The following EPHB1 variants were observed in gnomAD, a reference collection of about 807,000 sequenced individuals.
EPHB1 encodes the protein EPH receptor B1.
EPHB1 carries 30 observed loss-of-function variants against 94.4 expected under a neutral mutation model. The ratio of observed to expected loss-of-function variants is 0.32; its 90% CI spans 0.24 to 0.43. EPHB1 has a LOEUF of 0.43. EPHB1 is among the 20% of genes least tolerant of loss of function. The pLI is 1.00. For synonymous variants in EPHB1, 522 were observed against 489.1 expected, an observed-to-expected ratio of 1.07 and a Z score of -0.89; for missense variants, 1,055 against 1,308.3, an observed-to-expected ratio of 0.81 and a Z score of 2.99.
intron 3 of EPHB1, among the ~76,000 whole-genome samples, chr3:134,998,783 G>T (rs553219586): frequency 2.6e-5 from 4 of 152,284 alleles, no homozygotes; most frequent in African/African-American, 7.2e-5. Flanking sequence ...CATCAACAGT[G>T]CCTAACACAG....
chr3:135,251,397 G>T (rs13095925), intron 15 of EPHB1, among the ~76,000 whole-genome samples: 2 of 152,060 alleles, frequency 1.3e-5, no homozygotes, highest in Non-Finnish European at 2.9e-5. Flanking sequence ...ATTTGACTGC[G>T]TATGGGGGCC....
chr3:134,971,233 A>G (rs7621336), intron 3 of EPHB1, among the ~76,000 whole-genome samples: 10,326 of 152,318 alleles, frequency 0.068, 662 homozygotes, highest in African/African-American at 0.17. Flanking sequence ...AGAAGAAAAT[A>G]AAGCAGATTA....
chr3:134,795,737 T>A, intron 1 of EPHB1, 48 bp downstream of exon 1: 1 of 1,597,128 alleles, frequency 6.3e-7, no homozygotes, highest in South Asian at 1.1e-5. Context: ...CCGGCCGCCT[T>A]GGGACTGCTG....
chr3:135,232,347 G>T (rs1442395494), intron 12 of EPHB1, among the ~76,000 whole-genome samples: 1 of 152,226 alleles, frequency 6.6e-6, no homozygotes, highest in Admixed American at 6.5e-5. Flanking sequence ...AGGAGCAGGG[G>T]TGTGCCACAT....
intron 1 of EPHB1, among the ~76,000 whole-genome samples, chr3:134,898,427 T>C (rs2107688622): frequency 6.6e-6 from 1 of 152,256 alleles, no homozygotes; most frequent in South Asian, 2.1e-4. Context: ...GAGCCTGACC[T>C]CCTTTTTCTG....
chr3:134,839,294 G>A (rs570379091), intron 1 of EPHB1, among the ~76,000 whole-genome samples: 10 of 152,268 alleles, frequency 6.6e-5, no homozygotes, highest in South Asian at 4.1e-4. Context: ...GCCCCTTACC[G>A]TGCTTGTTAC....
At chr3:134,891,198 C>T (rs1239024754) in intron 1 of EPHB1, among the ~76,000 whole-genome samples, 1 of 152,178 alleles carries the variant, frequency 6.6e-6, no homozygotes, top group African/African-American at 2.4e-5. Flanking sequence ...TTGCACCTGC[C>T]TCCTAGGCTC....
chr3:135,179,997 T>G lies in EPHB1; in HGVS notation c.1882+15T>G. 1 of 1,613,440 alleles carries G rather than the reference T, an allele frequency of 6.2e-7. No homozygotes were observed. The highest frequency in any genetic ancestry group is 8.5e-7 in the Non-Finnish European group (1 of 1,179,508). ...CATCGGAGCAGGTATGGCTCTTCCC[T>G]GTCTTGTTTCTGTTCTCCTGGTGTC... is the stretch of plus-strand genomic sequence containing the variant. On this transcript the variant is annotated intron_variant, in intron 10 of 15. Coordinates refer to ENST00000398015, the MANE Select transcript of EPHB1 (RefSeq NM_004441.5).
chr3:134,837,940 A>G (rs1361484371), intron 1 of EPHB1, among the ~76,000 whole-genome samples: 2 of 152,208 alleles, frequency 1.3e-5, no homozygotes, highest in Admixed American at 1.3e-4. Flanking sequence ...TTACGTAGCC[A>G]TAGAGAAAGA....
At chr3:134,922,661 C>T (rs1055852793) in intron 1 of EPHB1, among the ~76,000 whole-genome samples, 3 of 152,212 alleles carry the variant, frequency 2.0e-5, no homozygotes, top group Non-Finnish European at 4.4e-5. Context: ...CCCTGCTCCT[C>T]CAACATGATC....
At position 135,149,829 on chromosome 3, in the gene EPHB1, A is replaced by T. The variant is rs1034970575; in HGVS notation, c.1298-4323A>T. Among the ~76,000 whole-genome samples the T allele has an allele frequency of 2.0e-5, 3 of 152,222 alleles. No homozygotes were observed. The East Asian group carries it at 5.8e-4, about 29-fold the overall frequency. ...CTGAGAAATACAGGCAGGGATGGCC[A>T]TCACCCTCTGGCAGCTCTTCCCAGA... On this transcript the variant is annotated intron_variant, in intron 5 of 15. Transcript: ENST00000398015.
intron 12 of EPHB1, among the ~76,000 whole-genome samples, chr3:135,234,525 C>G (rs914210547): frequency 6.6e-6 from 1 of 152,174 alleles, no homozygotes; most frequent in South Asian, 2.1e-4. Context: ...TTCAGGTATC[C>G]TTATAGCAGC....
intron 9 of EPHB1, among the ~76,000 whole-genome samples, chr3:135,169,102 G>T (rs1487982826): frequency 1.3e-5 from 2 of 152,132 alleles, no homozygotes; most frequent in African/African-American, 2.4e-5. Context: ...GTGCCCATGT[G>T]CACAAAAGCA....
At chr3:134,898,467 G>T (rs183439311) in intron 1 of EPHB1, among the ~76,000 whole-genome samples, 78 of 152,098 alleles carry the variant, frequency 5.1e-4, no homozygotes, top group East Asian at 7.8e-4. Context: ...AAGCCCTATC[G>T]AATGGCACTG....
chr3:135,220,997 A>C (rs2107720135), intron 12 of EPHB1, among the ~76,000 whole-genome samples: 1 of 152,264 alleles, frequency 6.6e-6, no homozygotes, highest in South Asian at 2.1e-4. Context: ...CATTTTGAAA[A>C]CCTTTTCCTT....
chr3:135,046,357 G>A (rs1936998791), intron 3 of EPHB1, among the ~76,000 whole-genome samples: 1 of 152,134 alleles, frequency 6.6e-6, no homozygotes, highest in African/African-American at 2.4e-5. Context: ...AGCTCCTTGA[G>A]GATCTCTTCT....
At chr3:134,917,652 C>T (rs2107698048) in intron 1 of EPHB1, among the ~76,000 whole-genome samples, 1 of 152,294 alleles carries the variant, frequency 6.6e-6, no homozygotes, top group Middle Eastern at 3.4e-3. Context: ...GCAAATTTCA[C>T]AGTTTGTTTT....
chr3:134,806,167 T>C lies in EPHB1; in HGVS notation c.58+10478T>C, dbSNP rs541811569. On this transcript the variant is annotated intron_variant, in intron 1 of 15. Transcript: ENST00000398015. ...ACTCTTCCTATCAAAATGTGGAGGC[T>C]CATTCCTCTCCCTTTGAATATGGAT... is the stretch of plus-strand genomic sequence containing the variant. Among the ~76,000 whole-genome samples the C allele has an allele frequency of 4.6e-5, 7 of 152,354 alleles. No individual in the cohort carries two copies. In the South Asian group the frequency reaches 1.2e-3, roughly 27 times the overall value.
chr3:135,111,278 C>T (rs1405386605), intron 4 of EPHB1, among the ~76,000 whole-genome samples: 4 of 152,198 alleles, frequency 2.6e-5, no homozygotes, highest in Non-Finnish European at 4.4e-5. Flanking sequence ...TCAGCCCCAA[C>T]CCGGAGCCAC....
Sources: gnomAD v4.1 joint callset for allele counts (sites outside exome capture counted in the v4.1 genomes callset) on GRCh38, gnomAD v4.1.1 for gene constraint, MANE v1.5 for transcripts, NCBI Gene and HGNC (gene_info 2026-07-23, HGNC 2026-07-21) for gene names.